CFDP1: variants seen among roughly 807,000 people sequenced by gnomAD.
CFDP1 encodes chromatin remodeling protein CFDP1, also known as heterochromatin-stabilizing protein CFDP1.
In CFDP1, 31 loss-of-function variants were observed where a neutral mutation model predicts 40.1. The observed-to-expected ratio is 0.77, with a 90% confidence interval of 0.58 to 1.04. The LOEUF is 1.04. CFDP1 is among the 50% of genes least tolerant of loss of function. The pLI is 0.00. For missense variants in CFDP1, 423 were observed against 343.4 expected (o/e 1.23, Z -1.83); for synonymous variants, 167 against 120.0 (o/e 1.39, Z -2.56).
At chr16:75,373,188 G>C (rs1398694897) in intron 5 of CFDP1, among the ~76,000 whole-genome samples, 1 of 152,186 alleles carries the variant, frequency 6.6e-6, no homozygotes, top group East Asian at 1.9e-4. Context: ...TAAGTGAAAA[G>C]AAGGCATAAT....
At position 75,407,002 on chromosome 16, in the gene CFDP1, CAG is replaced by C. The variant is rs377276651; in HGVS notation, c.530+4821_530+4822del. Among the ~76,000 whole-genome samples, 227 of 152,288 alleles carry C rather than the reference CAG, an allele frequency of 1.5e-3. 1 individual carries two copies. Among genetic ancestry groups the C allele is most frequent in the African/African-American group, 5.4e-3 (224 of 41,556 alleles). ...CGCCACTGTACTCCAGCTTGGGTGA[CAG>C]AGACTCCATCTCAAATAAACAAATA... On this transcript the variant is annotated intron_variant, in intron 4 of 6. Transcript: ENST00000283882.
chr16:75,385,177 A>G (rs1481306878), intron 5 of CFDP1, among the ~76,000 whole-genome samples: 1 of 152,054 alleles, frequency 6.6e-6, no homozygotes, highest in Non-Finnish European at 1.5e-5. Flanking sequence ...TTCTTGATTC[A>G]AAGATATTAT....
chr16:75,378,853 A>G (rs1286964684), intron 5 of CFDP1, among the ~76,000 whole-genome samples: 4 of 152,198 alleles, frequency 2.6e-5, no homozygotes, highest in Non-Finnish European at 4.4e-5. Context: ...CTGGCCCATA[A>G]AATTAATATC....
chr16:75,344,050 G>C (rs1192921468), intron 5 of CFDP1, among the ~76,000 whole-genome samples: 2 of 152,142 alleles, frequency 1.3e-5, no homozygotes, highest in African/African-American at 4.8e-5. Context: ...AATTTTAGAG[G>C]TCTTATTTAG....
rs1239965413 is a variant in CFDP1, at chr16:75,433,453, G to A, written c.-101C>T. On this transcript the variant is annotated 5_prime_UTR_variant, in exon 1 of 7. Coordinates refer to ENST00000283882, the MANE Select transcript of CFDP1 (RefSeq NM_006324.3). ...CCATAGAGCCCCGGCGGCGGCGACG[G>A]CAGCTAGGGCGGCCCCCGACAGCGC... The A allele has an allele frequency of 6.0e-6, 7 of 1,167,504 alleles. No individual in the cohort carries two copies. Among genetic ancestry groups the A allele is most frequent in the Admixed American group, 4.1e-5 (2 of 49,058 alleles). The allele number at this position is 1,167,504 out of a possible 1,614,324, so 72.3% of individuals were successfully genotyped here.
At chr16:75,341,652 G>A (rs1417826829) in intron 5 of CFDP1, among the ~76,000 whole-genome samples, 2 of 150,772 alleles carry the variant, frequency 1.3e-5, no homozygotes, top group East Asian at 1.9e-4. Context: ...TCAGCAGAGT[G>A]TAGAAAGGAA....
At chr16:75,349,012 G>T (rs1287281882) in intron 5 of CFDP1, among the ~76,000 whole-genome samples, 1 of 152,032 alleles carries the variant, frequency 6.6e-6, no homozygotes, top group Admixed American at 6.6e-5. Flanking sequence ...GACTACAGGG[G>T]CATGCCACCA....
chr16:75,306,064 T>C (rs865822597), intron 5 of CFDP1, among the ~76,000 whole-genome samples: 3 of 152,238 alleles, frequency 2.0e-5, no homozygotes, highest in South Asian at 2.1e-4. Flanking sequence ...TTGGTCTCTT[T>C]ATGAAATGAA....
intron 5 of CFDP1, among the ~76,000 whole-genome samples, chr16:75,390,121 A>AAGGG: frequency 6.6e-6 from 1 of 152,330 alleles, no homozygotes; most frequent in East Asian, 1.9e-4. Context: ...CCCTGTTTAT[A>AAGGG]AGGGAGTCAG....
chr16:75,381,962 G>A lies in CFDP1; in HGVS notation c.650+13128C>T, dbSNP rs190290114. On this transcript the variant is annotated intron_variant, in intron 5 of 6. Transcript: ENST00000283882. ...GAAAGGTAGCAGTCGAAAGCTCAGA[G>A]ACAATTAGCCAGGCATGGTGGTGCA... Among the ~76,000 whole-genome samples, 231 of 152,058 alleles carry A rather than the reference G, an allele frequency of 1.5e-3. 1 individual carries two copies. The highest frequency in any genetic ancestry group is 2.7e-3 in the Non-Finnish European group (186 of 67,954).
At chr16:75,375,209 C>T (rs188425637) in intron 5 of CFDP1, among the ~76,000 whole-genome samples, 76 of 151,968 alleles carry the variant, frequency 5.0e-4, no homozygotes, top group African/African-American at 1.6e-3. Context: ...CTGTAAAAGA[C>T]GAACTGAATA....
chr16:75,431,820 C>A (rs992249906), intron 1 of CFDP1, among the ~76,000 whole-genome samples: 4 of 151,664 alleles, frequency 2.6e-5, no homozygotes, highest in Non-Finnish European at 5.9e-5. Context: ...CAATAGACAA[C>A]AGAAATATAA....
At chr16:75,356,981 T>C (rs541061740) in intron 5 of CFDP1, among the ~76,000 whole-genome samples, 1 of 149,742 alleles carries the variant, frequency 6.7e-6, no homozygotes, top group South Asian at 2.1e-4. Context: ...TGGCGTGATC[T>C]TGACTCACTG....
intron 6 of CFDP1, among the ~76,000 whole-genome samples, chr16:75,299,904 G>A (rs1487390321): frequency 2.0e-5 from 3 of 152,136 alleles, no homozygotes; most frequent in Admixed American, 1.3e-4. Flanking sequence ...AGCCCTGGAT[G>A]ACAAATCAGA....
intron 1 of CFDP1, among the ~76,000 whole-genome samples, chr16:75,417,776 G>C (rs907589854): frequency 1.3e-5 from 2 of 151,486 alleles, no homozygotes; most frequent in East Asian, 1.9e-4. Flanking sequence ...TTTAAAAACA[G>C]TATTCTGACT....
At chr16:75,336,745 C>T (rs984836426) in intron 5 of CFDP1, among the ~76,000 whole-genome samples, 1 of 152,184 alleles carries the variant, frequency 6.6e-6, no homozygotes, top group Non-Finnish European at 1.5e-5. Context: ...AATGGCAATC[C>T]TGTGCTACTA....
intron 5 of CFDP1, among the ~76,000 whole-genome samples, chr16:75,353,916 T>G (rs2078629592): frequency 6.6e-6 from 1 of 152,110 alleles, no homozygotes; most frequent in African/African-American, 2.4e-5. Context: ...TTACTGAATC[T>G]CTGTTCTAAG....
intron 5 of CFDP1, among the ~76,000 whole-genome samples, chr16:75,317,251 A>G (rs1020929392): frequency 3.3e-5 from 5 of 152,248 alleles, no homozygotes; most frequent in Admixed American, 2.0e-4. Flanking sequence ...CAGACCTCTA[A>G]GGAAATGATA....
intron 5 of CFDP1, among the ~76,000 whole-genome samples, chr16:75,363,697 A>G (rs1268594388): frequency 6.6e-6 from 1 of 152,154 alleles, no homozygotes; most frequent in African/African-American, 2.4e-5. Flanking sequence ...TGTCCAGCCA[A>G]GAAGCATTTT....
Sources: gnomAD v4.1 joint callset for allele counts (sites outside exome capture counted in the v4.1 genomes callset) on GRCh38, gnomAD v4.1.1 for gene constraint, MANE v1.5 for transcripts, NCBI Gene and HGNC (gene_info 2026-07-23, HGNC 2026-07-21) for gene names.